PTPN4: variants seen among roughly 807,000 people sequenced by gnomAD.
PTPN4 encodes tyrosine-protein phosphatase non-receptor type 4.
In PTPN4, 49 loss-of-function variants were observed where a neutral mutation model predicts 135.5. That is an observed-to-expected ratio of 0.36 (90% CI 0.29 to 0.46). The LOEUF (loss-of-function observed/expected upper bound fraction) is 0.46. Among genes scored for constraint, PTPN4 ranks in the 20% least tolerant of loss-of-function variants. The pLI, the probability that PTPN4 is intolerant of heterozygous loss-of-function variation, is 1.00. For missense variants in PTPN4, 860 were observed against 1,101.0 expected, an observed-to-expected ratio of 0.78 and a Z score of 3.10; for synonymous variants, 333 against 369.9, an observed-to-expected ratio of 0.90 and a Z score of 1.14.
intron 2 of PTPN4, among the ~76,000 whole-genome samples, chr2:119,849,113 A>G (rs781386087): frequency 6.6e-6 from 1 of 152,114 alleles, no homozygotes; most frequent in Non-Finnish European, 1.5e-5. Context: ...ACCTTTCATT[A>G]CCTCTTTAAG....
intron 1 of PTPN4, among the ~76,000 whole-genome samples, chr2:119,771,124 A>G (rs192088445): frequency 4.6e-5 from 7 of 152,270 alleles, no homozygotes; most frequent in East Asian, 3.9e-4. Flanking sequence ...AGGAAGCCCA[A>G]ACTCTCACAG....
At chr2:119,881,670 A>AT in intron 5 of PTPN4, 116 bp from the exon 6 acceptor site, 1 of 693,350 alleles carries the variant, frequency 1.4e-6, no homozygotes, top group Non-Finnish European at 2.3e-6. Context: ...TAATATGTAA[A>AT]TTATAAAAGC....
intron 6 of PTPN4, 121 bp from the exon 7 acceptor site, chr2:119,881,976 A>G (rs1678087562): frequency 5.3e-6 from 6 of 1,127,036 alleles, no homozygotes; most frequent in Admixed American, 3.8e-5. Flanking sequence ...AGATAAGTTT[A>G]TTTCTTAACA....
At chr2:119,854,982 T>G (rs1378030202) in intron 2 of PTPN4, among the ~76,000 whole-genome samples, 2 of 152,176 alleles carry the variant, frequency 1.3e-5, no homozygotes, top group Non-Finnish European at 2.9e-5. Context: ...GTGCTACTAC[T>G]GAGGTTTTTA....
intron 1 of PTPN4, among the ~76,000 whole-genome samples, chr2:119,761,198 G>A (rs1226666785): frequency 6.6e-6 from 1 of 152,120 alleles, no homozygotes; most frequent in East Asian, 1.9e-4. Flanking sequence ...CAGCTGATTG[G>A]TCACATTTAA....
chr2:119,933,474 C>A (rs1678935387), intron 14 of PTPN4, among the ~76,000 whole-genome samples: 1 of 151,864 alleles, frequency 6.6e-6, no homozygotes, highest in Non-Finnish European at 1.5e-5. Context: ...AGGTCAGGAG[C>A]TCAAGACCAG....
At chr2:119,856,241 G>A (rs748365005) in intron 2 of PTPN4, among the ~76,000 whole-genome samples, 25 of 152,106 alleles carry the variant, frequency 1.6e-4, no homozygotes, top group Non-Finnish European at 2.6e-4. Flanking sequence ...CTCCTGTTGC[G>A]TTTTCCTCCC....
intron 23 of PTPN4, 140 bp downstream of exon 23, chr2:119,961,093 A>G: frequency 4.9e-6 from 5 of 1,022,050 alleles, no homozygotes; most frequent in Non-Finnish European, 6.9e-6. Context: ...TTAAATCATC[A>G]TGTTTAAGTG....
At chr2:119,827,282 A>G (rs1234276896) in intron 2 of PTPN4, among the ~76,000 whole-genome samples, 5 of 152,214 alleles carry the variant, frequency 3.3e-5, no homozygotes, top group South Asian at 2.1e-4. Context: ...GGGGAAATCT[A>G]TTTGAGTTTA....
At chr2:119,861,179 A>G (rs1182944971) in intron 2 of PTPN4, among the ~76,000 whole-genome samples, 3 of 152,126 alleles carry the variant, frequency 2.0e-5, no homozygotes, top group African/African-American at 7.2e-5. Flanking sequence ...TGTAAAAGGG[A>G]TAGAACTCCA....
chr2:119,802,485 C>T (rs531596018), intron 1 of PTPN4, among the ~76,000 whole-genome samples: 1 of 152,232 alleles, frequency 6.6e-6, no homozygotes, highest in East Asian at 1.9e-4. Context: ...TGATTTTTCT[C>T]CCTTAGTCTG....
At chr2:119,933,431 C>T (rs988874328) in intron 14 of PTPN4, among the ~76,000 whole-genome samples, 3 of 152,044 alleles carry the variant, frequency 2.0e-5, no homozygotes, top group African/African-American at 7.2e-5. Flanking sequence ...GTAATCCCAG[C>T]ACTTTGGGAG....
chr2:119,926,679 T>G lies in PTPN4; in HGVS notation c.1070+13T>G. On this transcript the variant is annotated intron_variant, in intron 13 of 26. Transcript: ENST00000263708. ...GGGTATTTGCAAGGTAAGCCAAATC[T>G]GTTTCATTGTTTGAATTTTTTTAAA... The G allele has an allele frequency of 6.4e-7, 1 of 1,563,484 alleles. No homozygotes were observed. Among genetic ancestry groups the G allele is most frequent in the African/African-American group, 1.4e-5 (1 of 73,432 alleles).
chr2:119,836,506 G>A (rs1487349770), intron 2 of PTPN4, among the ~76,000 whole-genome samples: 15 of 152,360 alleles, frequency 9.8e-5, no homozygotes, highest in Middle Eastern at 3.4e-3. Flanking sequence ...CTGCAGTGGG[G>A]GACGCGCAGC....
intron 2 of PTPN4, among the ~76,000 whole-genome samples, chr2:119,811,008 A>G (rs1262045617): frequency 1.3e-5 from 2 of 151,784 alleles, no homozygotes; most frequent in Non-Finnish European, 2.9e-5. Flanking sequence ...TTTCTGCTGT[A>G]TTACTTGGGT....
chr2:119,954,156 T>G (rs1183836930), intron 19 of PTPN4, among the ~76,000 whole-genome samples: 1 of 152,246 alleles, frequency 6.6e-6, no homozygotes, highest in Non-Finnish European at 1.5e-5. Flanking sequence ...CCTTTTTGTC[T>G]TTTCATTCTT....
intron 24 of PTPN4, among the ~76,000 whole-genome samples, chr2:119,963,835 T>C (rs769704523): frequency 3.9e-4 from 59 of 152,192 alleles, no homozygotes; most frequent in Non-Finnish European, 1.3e-4. Flanking sequence ...GCTACGTATG[T>C]TTATATAAAA....
chr2:119,966,251 A>G (rs998945529), intron 25 of PTPN4, among the ~76,000 whole-genome samples: 6 of 152,044 alleles, frequency 3.9e-5, no homozygotes, highest in Non-Finnish European at 7.4e-5. Context: ...AATCACCTCC[A>G]AAAGGTCCCA....
intron 9 of PTPN4, among the ~76,000 whole-genome samples, chr2:119,891,249 G>A (rs1678235517): frequency 6.6e-6 from 1 of 152,152 alleles, no homozygotes; most frequent in Admixed American, 6.5e-5. Context: ...TCAGACTGAT[G>A]TAGGCTATTG....
Sources: allele counts gnomAD v4.1 joint callset (sites outside exome capture counted in the v4.1 genomes callset), GRCh38; gene constraint gnomAD v4.1.1; transcripts MANE v1.5; gene names NCBI Gene and HGNC (gene_info 2026-07-23, HGNC 2026-07-21).